MTA1: variants seen among roughly 807,000 people sequenced by gnomAD.
The protein encoded by MTA1 is metastasis-associated protein MTA1.
A neutral mutation model predicts 97.0 loss-of-function variants in MTA1; 15 were observed. The ratio of observed to expected loss-of-function variants is 0.15; its 90% CI spans 0.10 to 0.24. The LOEUF (loss-of-function observed/expected upper bound fraction) is 0.24, where lower values mean the gene tolerates loss of function less well. Ranked by LOEUF, MTA1 falls within the 10% of genes least tolerant of loss-of-function variation. The pLI, the probability that MTA1 is intolerant of heterozygous loss-of-function variation, is 1.00. For missense variants in MTA1, 709 were observed against 1,015.1 expected (o/e 0.70, Z 4.10); for synonymous variants, 435 against 417.5 (o/e 1.04, Z -0.51).
chr14:105,462,815 G>C (rs1345750446), intron 10 of MTA1, among the ~76,000 whole-genome samples: 4 of 152,140 alleles, frequency 2.6e-5, no homozygotes, highest in Non-Finnish European at 5.9e-5. Context: ...GTTGCAGCGA[G>C]CCGAGATTGT....
At chr14:105,451,119 AG>A (rs2082912487) in intron 6 of MTA1, among the ~76,000 whole-genome samples, 1 of 152,122 alleles carries the variant, frequency 6.6e-6, no homozygotes, top group South Asian at 2.1e-4. Flanking sequence ...GCTCAGATGC[AG>A]GTTGCTGGAT....
chr14:105,458,870 G>A (rs2083252723), intron 8 of MTA1, among the ~76,000 whole-genome samples: 1 of 152,216 alleles, frequency 6.6e-6, no homozygotes, highest in Non-Finnish European at 1.5e-5. Context: ...GACGCACACG[G>A]GTTCTGGGGT....
At chr14:105,445,773 A>G (rs782658382) in intron 3 of MTA1, 3 of 601,814 alleles carry the variant, frequency 5.0e-6, no homozygotes, top group South Asian at 3.3e-5. Flanking sequence ...CAAGCTTGTC[A>G]TGGTGTGGCT....
chr14:105,453,954 G>C (rs1209809044), intron 6 of MTA1, among the ~76,000 whole-genome samples: 1 of 152,168 alleles, frequency 6.6e-6, no homozygotes, highest in Non-Finnish European at 1.5e-5. Flanking sequence ...TGTCTCCTCC[G>C]TGCAGTGTCA....
chr14:105,427,335 G>A (rs782406608), intron 1 of MTA1, among the ~76,000 whole-genome samples: 2 of 152,132 alleles, frequency 1.3e-5, no homozygotes, highest in Non-Finnish European at 2.9e-5. Flanking sequence ...CATCTACTGA[G>A]GGCCATGCTT....
intron 8 of MTA1, 69 bp from the exon 9 acceptor site, chr14:105,460,288 TG>T: frequency 7.0e-7 from 1 of 1,422,816 alleles, no homozygotes; most frequent in Non-Finnish European, 9.5e-7. Context: ...CCCTGGCGCC[TG>T]GGGAGCGGTG....
chr14:105,453,875 T>C (rs782302620), intron 6 of MTA1, among the ~76,000 whole-genome samples: 1 of 152,332 alleles, frequency 6.6e-6, no homozygotes, highest in Admixed American at 6.5e-5. Flanking sequence ...CCTGCCTTGG[T>C]AAAGGCTTGT....
chr14:105,465,291 C>A, intron 16 of MTA1, 108 bp downstream of exon 16: 1 of 992,174 alleles, frequency 1.0e-6, no homozygotes, highest in South Asian at 2.0e-5. Flanking sequence ...AGCTCCTGGA[C>A]AGCCCCCCAG....
chr14:105,466,748 G>A lies in MTA1; in HGVS notation c.1813+6G>A. 6.3e-7 allele frequency: 1 copy of A among 1,578,530 alleles called. No individual in the cohort carries two copies. The highest frequency in any genetic ancestry group is 8.6e-7 in the Non-Finnish European group (1 of 1,163,700). On this transcript the variant is annotated splice_donor_region_variant and intron_variant, in intron 18 of 20. Coordinates refer to ENST00000331320, the MANE Select transcript of MTA1 (RefSeq NM_004689.4). ...CCTCTTGATGCCCAGTAGGGGTAAG[G>A]CCTGGAGCCGCGGGCGGGCGCTGCG...
intron 1 of MTA1, among the ~76,000 whole-genome samples, chr14:105,425,544 G>T (rs587728141): frequency 2.6e-5 from 4 of 152,282 alleles, no homozygotes; most frequent in Admixed American, 2.0e-4. Context: ...CCAAAGTGCC[G>T]CTGGGTTTGC....
At chr14:105,449,664 G>C (rs989063539) in intron 4 of MTA1, among the ~76,000 whole-genome samples, 2 of 152,202 alleles carry the variant, frequency 1.3e-5, no homozygotes, top group Non-Finnish European at 2.9e-5. Context: ...CACGAGATGG[G>C]GACGGACAGA....
rs186911477 is a variant in MTA1 at position 105,441,662 on chromosome 14, C to T, written c.96+2923C>T. Among the ~76,000 whole-genome samples, 1,341 of 152,182 alleles carry T rather than the reference C, an allele frequency of 8.8e-3. 13 individuals are homozygous for T. The highest frequency in any genetic ancestry group is 0.027 in the African/African-American group (1,107 of 41,516). ...ACAAAAAATTAGCCGGGCGTGGTGGCGGGCGCCTGTGATCCCAGCTACTCG... is the reference window on the plus strand; with the variant it reads ...ACAAAAAATTAGCCGGGCGTGGTGGTGGGCGCCTGTGATCCCAGCTACTCG... On this transcript the variant is annotated intron_variant, in intron 2 of 20. Coordinates refer to ENST00000331320, the MANE Select transcript of MTA1 (RefSeq NM_004689.4).
At chr14:105,460,538 C>T in intron 9 of MTA1, 81 bp downstream of exon 9, 1 of 1,379,264 alleles carries the variant, frequency 7.3e-7, no homozygotes, top group Non-Finnish European at 9.8e-7. Flanking sequence ...CCTACCAGGG[C>T]CCAGCACCTG....
rs1322390852 is a variant in MTA1 at position 105,420,447 on chromosome 14, G to T, written c.28+384G>T. 6.6e-6 allele frequency among the ~76,000 whole-genome samples: 1 copy of T among 152,050 alleles called. No homozygotes were observed. Among genetic ancestry groups the T allele is most frequent in the Non-Finnish European group, 1.5e-5 (1 of 67,972 alleles). Reference sequence around the variant, plus strand: ...CCGGTCTGGGAGCAGGAGTTTTGGGGCTGTGGGGTCTCCCCCGGCCCGCGG... The same window carrying T: ...CCGGTCTGGGAGCAGGAGTTTTGGGTCTGTGGGGTCTCCCCCGGCCCGCGG... On this transcript the variant is annotated intron_variant, in intron 1 of 20. Transcript: ENST00000331320. The surrounding 1 kb of genome is among the most constrained non-coding windows in gnomAD (Gnocchi z 5.3).
At position 105,464,573 on chromosome 14, in the gene MTA1, G is replaced by A. The variant is rs192790749; in HGVS notation, c.1344+6G>A. On this transcript the variant is annotated splice_donor_region_variant and intron_variant, in intron 14 of 20. Transcript: ENST00000331320. ...GACCAAACCGCAGTAACATGGTAAG[G>A]GGGGGGACACCCGCCCTGCCTGCCA... is the stretch of plus-strand genomic sequence containing the variant. The A allele has an allele frequency of 8.7e-6, 14 of 1,612,492 alleles. No individual in the cohort carries two copies. The highest frequency in any genetic ancestry group is 1.3e-5 in the African/African-American group (1 of 74,900).
intron 1 of MTA1, among the ~76,000 whole-genome samples, chr14:105,433,896 C>T (rs1197763949): frequency 4.6e-5 from 7 of 152,094 alleles, no homozygotes; most frequent in African/African-American, 1.4e-4. Flanking sequence ...GGCACAATCT[C>T]GGCTCACTGC....
chr14:105,453,326 T>C (rs2083016351), intron 6 of MTA1, among the ~76,000 whole-genome samples: 1 of 152,260 alleles, frequency 6.6e-6, no homozygotes, highest in South Asian at 2.1e-4. Context: ...CTTGGATAAG[T>C]TACATCTTCA....
chr14:105,426,011 G>A (rs892528673), intron 1 of MTA1, among the ~76,000 whole-genome samples: 2 of 152,114 alleles, frequency 1.3e-5, no homozygotes, highest in Admixed American at 6.5e-5. Flanking sequence ...CTGCAGCCCC[G>A]TGATCCGGCC....
chr14:105,432,911 C>T lies in MTA1; in HGVS notation c.29-5761C>T, dbSNP rs142529262. Reference sequence around the variant, plus strand: ...GACTTCCATGCGAGTGCAAGGGAAACGTCGACATTTCAAAATCCACTCAGC... The same window carrying T: ...GACTTCCATGCGAGTGCAAGGGAAATGTCGACATTTCAAAATCCACTCAGC... On this transcript the variant is annotated intron_variant, in intron 1 of 20. Transcript: ENST00000331320. Among the ~76,000 whole-genome samples, 18 of 152,248 alleles carry T rather than the reference C, an allele frequency of 1.2e-4. No individual in the cohort carries two copies. The East Asian group carries it at 2.9e-3, about 25-fold the overall frequency.
Sources: allele counts gnomAD v4.1 joint callset (sites outside exome capture counted in the v4.1 genomes callset), GRCh38; gene constraint gnomAD v4.1.1; non-coding constraint Gnocchi (gnomAD v3.1); transcripts MANE v1.5; gene names NCBI Gene and HGNC (gene_info 2026-07-23, HGNC 2026-07-21).